Variants in MTMR9 observed in about 807,000 individuals in gnomAD.
MTMR9 encodes myotubularin-related protein 9.
MTMR9 carries 39 observed loss-of-function variants against 69.5 expected under a neutral mutation model. The ratio of observed to expected loss-of-function variants is 0.56; its 90% CI spans 0.43 to 0.73. The LOEUF is 0.73. MTMR9 is among the 30% of genes least tolerant of loss of function. MTMR9 has a pLI of 0.00. For synonymous variants in MTMR9, 354 were observed against 240.8 expected (o/e 1.47, Z -4.35); for missense variants, 900 against 671.2 (o/e 1.34, Z -3.77).
At chr8:11,336,078 C>G in the MTMR9 span, among the ~76,000 whole-genome samples, 2 of 152,190 alleles carry the variant, frequency 1.3e-5, no homozygotes, top group Non-Finnish European at 2.9e-5. Flanking sequence ...GGACAAATCA[C>G]TCCTTCATGA....
At chr8:11,293,379 A>G (rs1337070512) in intron 1 of MTMR9, among the ~76,000 whole-genome samples, 1 of 152,264 alleles carries the variant, frequency 6.6e-6, no homozygotes, top group East Asian at 1.9e-4. Flanking sequence ...TAAAAAGTTT[A>G]TAAAGTAAAA....
chr8:11,332,448 A>T (rs1477841213), downstream of MTMR9, among the ~76,000 whole-genome samples: 1 of 152,136 alleles, frequency 6.6e-6, no homozygotes, highest in African/African-American at 2.4e-5. Flanking sequence ...AACTAAATGA[A>T]ATCAGAGAAA....
In MTMR9 at chr8:11,284,845, C is replaced by G. The variant is rs749968044; in HGVS notation, c.-44C>G. ...CTTCCCTGCGGCGGGGTAACCGCCT[C>G]GCACCTACCGGGCTCGGTTCCCTGG... On this transcript the variant is annotated 5_prime_UTR_variant, in exon 1 of 10. Coordinates refer to ENST00000221086, the MANE Select transcript of MTMR9 (RefSeq NM_015458.4). 4 of 1,540,698 alleles carry G rather than the reference C, an allele frequency of 2.6e-6. No homozygotes were observed. The highest frequency in any genetic ancestry group is 3.5e-6 in the Non-Finnish European group (4 of 1,139,476).
At chr8:11,285,207 A>G (rs1799104588) in intron 1 of MTMR9, 137 bp downstream of exon 1, 3 of 864,148 alleles carry the variant, frequency 3.5e-6, no homozygotes, top group Non-Finnish European at 5.1e-6. Context: ...GCCTAGAATC[A>G]GGATTTACCA....
the MTMR9 span, among the ~76,000 whole-genome samples, chr8:11,338,029 T>A: frequency 6.6e-6 from 1 of 152,262 alleles, no homozygotes; most frequent in East Asian, 1.9e-4. Context: ...AAGGAGAACA[T>A]GTCTGGGAAT....
At chr8:11,307,953 A>G (rs146502623) in intron 5 of MTMR9, among the ~76,000 whole-genome samples, 3 of 152,172 alleles carry the variant, frequency 2.0e-5, no homozygotes, top group African/African-American at 7.2e-5. Flanking sequence ...TTAACCCCTT[A>G]TCCAGTGTGG....
At chr8:11,338,202 A>G in the MTMR9 span, among the ~76,000 whole-genome samples, 3 of 152,354 alleles carry the variant, frequency 2.0e-5, no homozygotes, top group Admixed American at 2.0e-4. Context: ...TGGGGATGCC[A>G]GAACTTCCTC....
downstream of MTMR9, among the ~76,000 whole-genome samples, chr8:11,332,653 G>A (rs554024534): frequency 1.4e-4 from 22 of 151,926 alleles, no homozygotes; most frequent in African/African-American, 5.1e-4. Context: ...ACAGGCTGGA[G>A]TGCAGTGGCA....
chr8:11,319,500 G>A (rs1029610318), intron 8 of MTMR9, 187 bp from the exon 9 acceptor site: 12 of 597,980 alleles, frequency 2.0e-5, no homozygotes, highest in Non-Finnish European at 3.5e-5. Flanking sequence ...TTTTGTTGTT[G>A]TTGAGAGTTC....
At chr8:11,295,513 A>C (rs148305714) in intron 2 of MTMR9, among the ~76,000 whole-genome samples, 16 of 152,286 alleles carry the variant, frequency 1.1e-4, no homozygotes, top group African/African-American at 3.9e-4. Context: ...ACGTTATATG[A>C]GTAGCTCAAT....
chr8:11,304,524 A>G (rs1362464238), intron 3 of MTMR9, among the ~76,000 whole-genome samples: 1 of 152,230 alleles, frequency 6.6e-6, no homozygotes, highest in Non-Finnish European at 1.5e-5. Context: ...ACCGTGTAAA[A>G]TAGGGAACTT....
At chr8:11,335,225 C>T in the MTMR9 span, among the ~76,000 whole-genome samples, 1 of 152,164 alleles carries the variant, frequency 6.6e-6, no homozygotes, top group Non-Finnish European at 1.5e-5. Flanking sequence ...AGCAAGGTTG[C>T]AGGGTGCATG....
downstream of MTMR9, chr8:11,332,246 A>C (rs1801266843): frequency 1.4e-6 from 2 of 1,408,790 alleles, no homozygotes; most frequent in Admixed American, 5.3e-5. Context: ...GTGAAAGTCT[A>C]ACTTCCATAG....
At chr8:11,308,867 A>C (rs559739581) in intron 5 of MTMR9, among the ~76,000 whole-genome samples, 1 of 152,182 alleles carries the variant, frequency 6.6e-6, no homozygotes, top group Admixed American at 6.6e-5. Context: ...TTTCACTAGC[A>C]TTCTTTCTCT....
chr8:11,319,559 G>A (rs1375855822), intron 8 of MTMR9, 128 bp from the exon 9 acceptor site: 1 of 936,192 alleles, frequency 1.1e-6, no homozygotes, highest in Non-Finnish European at 1.6e-6. Flanking sequence ...TCAACACTTT[G>A]TTTCTCTACC....
At position 11,319,793 on chromosome 8, in the gene MTMR9, G is replaced by C; in HGVS notation, c.1441G>C (p.Val481Leu). 6.2e-7 allele frequency: 1 copy of C among 1,614,164 alleles called. No homozygotes were observed. Among genetic ancestry groups the C allele is most frequent in the Non-Finnish European group, 8.5e-7 (1 of 1,180,012 alleles). The change falls in exon 9 of 10, where the codon GTC (valine) becomes CTC (leucine). Residue 481 changes from valine (V) to leucine (L), a missense_variant. Val to Leu is a conservative substitution (Grantham distance 32). Transcript: ENST00000221086. ...TNPLFEANNL[V>L]IWPSVAPQSL... is the part of the protein sequence containing the mutation. ...TCCCCTCTTTGAAGCCAACAACCTT[G>C]TCATCTGGCCTTCAGTTGCTCCGCA...
chr8:11,334,628 A>G, the MTMR9 span, among the ~76,000 whole-genome samples: 1 of 152,188 alleles, frequency 6.6e-6, no homozygotes. Flanking sequence ...AACAAAACAT[A>G]CAGAAAAGAA....
At chr8:11,286,379 A>T (rs998752289) in intron 1 of MTMR9, among the ~76,000 whole-genome samples, 1 of 151,496 alleles carries the variant, frequency 6.6e-6, no homozygotes, top group South Asian at 2.1e-4. Flanking sequence ...TAAAGTCTTC[A>T]GTGGGCCCGG....
chr8:11,289,651 G>C (rs555935237), intron 1 of MTMR9, among the ~76,000 whole-genome samples: 3 of 152,156 alleles, frequency 2.0e-5, no homozygotes, highest in South Asian at 4.2e-4. Flanking sequence ...AGGCAACCAC[G>C]TTAGTTGTTG....
Sources: allele counts gnomAD v4.1 joint callset (sites outside exome capture counted in the v4.1 genomes callset), GRCh38; gene constraint gnomAD v4.1.1; transcripts MANE v1.5; gene names NCBI Gene and HGNC (gene_info 2026-07-23, HGNC 2026-07-21).